Variants in QTMAN observed in about 807,000 individuals in gnomAD.
The protein encoded by QTMAN is queuosine-tRNA mannosyltransferase.
At chr2:144,140,176 T>C in the QTMAN span, among the ~76,000 whole-genome samples, 507 of 152,210 alleles carry the variant, frequency 3.3e-3, 8 homozygotes, top group Admixed American at 0.03. Context: ...TGCTTATGAA[T>C]GTTATCTTGG....
At chr2:144,107,334 C>G in the QTMAN span, among the ~76,000 whole-genome samples, 4 of 151,876 alleles carry the variant, frequency 2.6e-5, no homozygotes, top group Non-Finnish European at 4.4e-5. Context: ...TTTTTGAAAA[C>G]ATCAACAAAA....
chr2:144,168,080 T>A, the QTMAN span, among the ~76,000 whole-genome samples: 2 of 152,298 alleles, frequency 1.3e-5, no homozygotes, highest in East Asian at 3.9e-4. Flanking sequence ...TAACTGGCTC[T>A]AAACAAAATG....
chr2:144,253,441 G>A, the QTMAN span, among the ~76,000 whole-genome samples: 2 of 152,174 alleles, frequency 1.3e-5, no homozygotes, highest in Non-Finnish European at 2.9e-5. Context: ...GAAGAAGACA[G>A]GAAAATGTGG....
chr2:144,267,755 G>T, the QTMAN span, among the ~76,000 whole-genome samples: 1 of 152,102 alleles, frequency 6.6e-6, no homozygotes, highest in African/African-American at 2.4e-5. Context: ...AAATTTTCCT[G>T]CAACTGAAAG....
the QTMAN span, among the ~76,000 whole-genome samples, chr2:144,110,486 C>A: frequency 6.6e-6 from 1 of 152,090 alleles, no homozygotes; most frequent in African/African-American, 2.4e-5. Flanking sequence ...CACATGTATA[C>A]ATATGTAACA....
the QTMAN span, among the ~76,000 whole-genome samples, chr2:144,245,476 A>C: frequency 2.6e-5 from 4 of 152,242 alleles, no homozygotes; most frequent in Non-Finnish European, 4.4e-5. Flanking sequence ...TATCTACTTA[A>C]GAAAGACTCT....
the QTMAN span, among the ~76,000 whole-genome samples, chr2:144,067,282 C>A: frequency 6.6e-6 from 1 of 152,140 alleles, no homozygotes; most frequent in Non-Finnish European, 1.5e-5. Flanking sequence ...TACATCAGGA[C>A]AAAATTTAAG....
At chr2:144,317,587 C>T in the QTMAN span, 1 of 152,170 alleles carries the variant, frequency 6.6e-6, no homozygotes, top group Non-Finnish European at 1.5e-5. Flanking sequence ...TTGTAAAAAA[C>T]ACTGGAGAAA....
chr2:144,145,463 G>A, the QTMAN span: 2 of 674,046 alleles, frequency 3.0e-6, no homozygotes, highest in Non-Finnish European at 5.1e-6. Flanking sequence ...CCTACCTTAT[G>A]GTGTTTTAAA....
At chr2:144,259,025 C>T in the QTMAN span, among the ~76,000 whole-genome samples, 3 of 152,108 alleles carry the variant, frequency 2.0e-5, no homozygotes, top group Admixed American at 2.0e-4. Flanking sequence ...CACAGGTACC[C>T]CAAAGAAACA....
the QTMAN span, among the ~76,000 whole-genome samples, chr2:144,146,389 A>T: frequency 6.6e-6 from 1 of 151,496 alleles, no homozygotes. Flanking sequence ...GCACAAATAT[A>T]AAAATTTTAT....
At chr2:143,992,029 G>A in the QTMAN span, among the ~76,000 whole-genome samples, 1 of 152,222 alleles carries the variant, frequency 6.6e-6, no homozygotes, top group Non-Finnish European at 1.5e-5. Flanking sequence ...CCGTCTGGAA[G>A]GTGTGCCCAA....
the QTMAN span, among the ~76,000 whole-genome samples, chr2:144,204,303 A>G: frequency 1.3e-5 from 2 of 152,194 alleles, no homozygotes; most frequent in Non-Finnish European, 2.9e-5. Flanking sequence ...TTTACAAGAA[A>G]AAAACAACCC....
the QTMAN span, chr2:144,006,094 C>T: frequency 1.3e-5 from 2 of 151,994 alleles, no homozygotes; most frequent in African/African-American, 4.8e-5. Context: ...CTGTCACATT[C>T]GAAGTAAAAT....
At chr2:144,032,124 G>T in the QTMAN span, among the ~76,000 whole-genome samples, 1 of 152,162 alleles carries the variant, frequency 6.6e-6, no homozygotes, top group Non-Finnish European at 1.5e-5. Context: ...GGCAATGAGA[G>T]ATAGGAAGCA....
the QTMAN span, among the ~76,000 whole-genome samples, chr2:144,317,214 C>CAA: frequency 1.3e-5 from 2 of 152,122 alleles, no homozygotes; most frequent in Admixed American, 1.3e-4. Context: ...TCACTTTCTC[C>CAA]ATTCAAAAAA....
chr2:144,107,156 A>G, the QTMAN span, among the ~76,000 whole-genome samples: 36,947 of 152,192 alleles, frequency 0.24, 5,455 homozygotes, highest in East Asian at 0.38. Flanking sequence ...AGAAAGCAGG[A>G]AAGATCTAAA....
chr2:144,243,823 AG>A, the QTMAN span, among the ~76,000 whole-genome samples: 1 of 152,214 alleles, frequency 6.6e-6, no homozygotes, highest in Non-Finnish European at 1.5e-5. Context: ...CAGGACTAAA[AG>A]ATTGGTACTT....
the QTMAN span, among the ~76,000 whole-genome samples, chr2:144,161,523 T>C: frequency 6.6e-6 from 1 of 152,208 alleles, no homozygotes; most frequent in Non-Finnish European, 1.5e-5. Flanking sequence ...ACCAGTTACA[T>C]GTATGACTAG....
Sources: allele counts gnomAD v4.1 joint callset (sites outside exome capture counted in the v4.1 genomes callset), GRCh38; gene constraint gnomAD v4.1.1; transcripts MANE v1.5; gene names NCBI Gene and HGNC (gene_info 2026-07-23, HGNC 2026-07-21).